The following PKD1L3 variants were observed in gnomAD, a reference collection of about 807,000 sequenced individuals.
The protein encoded by PKD1L3 is polycystin-1-like protein 3.
A neutral mutation model predicts 184.1 loss-of-function variants in PKD1L3; 239 were observed. The observed-to-expected ratio is 1.30, with a 90% CI of 1.17 to 1.45. The LOEUF is 1.45. Ranked by LOEUF, PKD1L3 falls within the 40% of genes most tolerant of loss-of-function variation. The pLI is 0.00. For missense variants in PKD1L3, 2,660 were observed against 2,067.2 expected, an observed-to-expected ratio of 1.29 and a Z score of -5.56; for synonymous variants, 996 against 778.8, an observed-to-expected ratio of 1.28 and a Z score of -4.64.
At chr16:71,986,517 A>G in intron 4 of PKD1L3, 48 bp from the exon 5 acceptor site, 1 of 1,508,654 alleles carries the variant, frequency 6.6e-7, no homozygotes, top group Non-Finnish European at 8.9e-7. Context: ...TGATTTTACC[A>G]TTTTATAATT....
intron 16 of PKD1L3, among the ~76,000 whole-genome samples, chr16:71,959,982 A>G (rs1349434168): frequency 1.3e-5 from 2 of 152,106 alleles, no homozygotes; most frequent in African/African-American, 2.4e-5. Flanking sequence ...TTAGCCAGGC[A>G]TGGTGGCACA....
rs1447182067 is a variant in PKD1L3 at position 71,950,196 on chromosome 16, A to G, written c.3305T>C (p.Leu1102Pro). 4 of 1,552,300 alleles carry G rather than the reference A, an allele frequency of 2.6e-6. No individual in the cohort carries two copies. Among genetic ancestry groups the G allele is most frequent in the Non-Finnish European group, 3.5e-6 (4 of 1,147,122 alleles). ...LTQGHQSCDF[L>P]DAASQLQKLQ... is the part of the protein sequence containing the mutation. ...TTTTTGAAGTTGGCTGGCTGCATCTAGGAAGTCACAGGACTGGTGACCCTG... is the reference window on the plus strand; with the variant it reads ...TTTTTGAAGTTGGCTGGCTGCATCTGGGAAGTCACAGGACTGGTGACCCTG... Residue 1102 changes from leucine (L) to proline (P), a missense_variant, in exon 20 of 30, where the codon CTA becomes CCA. Physicochemically the swap from Leu to Pro is moderately conservative, Grantham distance 98. Transcript: ENST00000620267.
At chr16:71,960,283 C>G (rs1397078030) in intron 16 of PKD1L3, among the ~76,000 whole-genome samples, 1 of 151,582 alleles carries the variant, frequency 6.6e-6, no homozygotes, top group Non-Finnish European at 1.5e-5. Context: ...TAAATTAAGT[C>G]CAAATGGATT....
rs1162181788 is a variant in PKD1L3 at position 71,999,880 on chromosome 16, A to G, written c.99T>C (p.Asn33=). The change falls in exon 1 of 30, where the codon AAT becomes AAC. Residue 33 remains asparagine, a synonymous_variant. Coordinates refer to ENST00000620267, the MANE Select transcript of PKD1L3 (RefSeq NM_181536.2). ...LNSPAPHGQN[N]CYQLNRFQCS... ...ATTGAAATCTGTTAAGCTGGTAACA[A>G]TTATTTTGCCCATGTGGTGCTGGGC... 5.2e-6 allele frequency: 8 copies of G among 1,551,774 alleles called. No homozygotes were observed. Among genetic ancestry groups the G allele is most frequent in the Non-Finnish European group, 7.0e-6 (8 of 1,147,002 alleles).
intron 4 of PKD1L3, among the ~76,000 whole-genome samples, chr16:71,989,518 T>C (rs1371427685): frequency 6.6e-6 from 1 of 152,238 alleles, no homozygotes; most frequent in African/African-American, 2.4e-5. Context: ...CAAATGCATA[T>C]CTGTGTTTAG....
intron 2 of PKD1L3, among the ~76,000 whole-genome samples, chr16:71,996,322 C>T (rs1196341115): frequency 6.8e-5 from 9 of 132,600 alleles, no homozygotes; most frequent in South Asian, 2.6e-4. Flanking sequence ...AGTGCAGTGG[C>T]GCAATCTTGG....
At chr16:71,984,702 T>C (rs1871061540) in intron 5 of PKD1L3, among the ~76,000 whole-genome samples, 1 of 152,096 alleles carries the variant, frequency 6.6e-6, no homozygotes, top group Non-Finnish European at 1.5e-5. Context: ...CTACTAAAAA[T>C]ACAAAAATTA....
At chr16:71,947,242 A>T (rs1359185219) in intron 22 of PKD1L3, among the ~76,000 whole-genome samples, 2 of 152,120 alleles carry the variant, frequency 1.3e-5, no homozygotes, top group Non-Finnish European at 2.9e-5. Context: ...TGACAACAAG[A>T]GTGAAACTCC....
intron 12 of PKD1L3, 25 bp from the exon 13 acceptor site, chr16:71,970,130 T>C (rs1484227083): frequency 2.0e-6 from 3 of 1,533,888 alleles, no homozygotes; most frequent in Admixed American, 2.0e-5. Context: ...AAGACGTTGA[T>C]TCTAGTCAGA....
At chr16:71,971,625 C>T (rs80028445) in intron 12 of PKD1L3, among the ~76,000 whole-genome samples, 3 of 152,150 alleles carry the variant, frequency 2.0e-5, no homozygotes, top group African/African-American at 2.4e-5. Context: ...CTTCTCTACT[C>T]AAAGTATGGT....
rs368776653 is a variant in PKD1L3 at position 71,978,335 on chromosome 16, T to A, written c.1447A>T (p.Ile483Phe). The A allele has an allele frequency of 6.5e-7, 1 of 1,550,312 alleles. No homozygotes were observed. Among genetic ancestry groups the A allele is most frequent in the African/African-American group, 1.4e-5 (1 of 73,004 alleles). Residue 483 changes from isoleucine (I) to phenylalanine (F), a missense_variant, in exon 10 of 30, where the codon ATT becomes TTT. Coordinates refer to ENST00000620267, the MANE Select transcript of PKD1L3 (RefSeq NM_181536.2). The stretch of plus-strand genomic sequence containing the variant: ...AACACACTTCCAATGCTTCCAACAA[T>A]GTTTCTGTTGTCCAAATCCTTGAAG... ...NPFKDLDNRN[I>F]VGSIGSVLLS...
rs777422869 is a variant in PKD1L3 at position 71,973,397 on chromosome 16, G to T, written c.1880C>A (p.Ser627Ter). 6.4e-7 allele frequency: 1 copy of T among 1,551,580 alleles called. No homozygotes were observed. Among genetic ancestry groups the T allele is most frequent in the East Asian group, 2.4e-5 (1 of 40,906 alleles). The part of the protein sequence containing the change: ...EGAQQTPSLV[S>*]VITAVTQCYY... ...ACACTGAGTGACGGCGGTGATGACC[G>T]AGACCAAGCTGGGTGTCTGCTGAGC... Residue 627 changes from serine to a stop codon, truncating the protein, a stop_gained, in exon 12 of 30, where the codon TCG (serine) becomes TAG (stop). Coordinates refer to ENST00000620267, the MANE Select transcript of PKD1L3 (RefSeq NM_181536.2). LOFTEE classifies it high-confidence loss of function.
intron 11 of PKD1L3, among the ~76,000 whole-genome samples, chr16:71,975,899 T>A (rs1007089303): frequency 3.3e-5 from 5 of 152,092 alleles, no homozygotes; most frequent in Non-Finnish European, 5.9e-5. Context: ...ATACTCTAGT[T>A]ATGCAAGATA....
Position 71,973,418 on chromosome 16 carries a change from T to C in PKD1L3, c.1859A>G (p.Gln620Arg), listed in dbSNP as rs1006587568. The change falls in exon 12 of 30, where the codon CAG (glutamine) becomes CGG (arginine). Residue 620 changes from glutamine to arginine, a missense_variant. By Grantham distance (43) the Gln-to-Arg change is conservative. Transcript: ENST00000620267. ...GACCGAGACCAAGCTGGGTGTCTGC[T>C]GAGCACCCTCCTGCCTCTCACTCAG... ...AVLSERQEGA[Q>R]QTPSLVSVIT... is the part of the protein sequence containing the mutation. 6.4e-7 allele frequency: 1 copy of C among 1,551,696 alleles called. No homozygotes were observed. Among genetic ancestry groups the C allele is most frequent in the Non-Finnish European group, 8.7e-7 (1 of 1,147,006 alleles).
At chr16:71,931,936 A>G (rs904888406) in intron 28 of PKD1L3, among the ~76,000 whole-genome samples, 2 of 152,184 alleles carry the variant, frequency 1.3e-5, no homozygotes, top group Non-Finnish European at 2.9e-5. Flanking sequence ...CTCAGAGGGC[A>G]GTGGGATGAT....
rs1214426342 is a variant in PKD1L3 at position 71,977,494 on chromosome 16, T to C, written c.1528-27A>G. ...TAGAATAAGAGACAGTTAATCATTA[T>C]AATGGTCCATCCATTGATGTCTTTC... On this transcript the variant is annotated intron_variant, in intron 10 of 29. Transcript: ENST00000620267. The C allele has an allele frequency of 7.1e-5, 105 of 1,482,032 alleles. No homozygotes were observed. The East Asian group carries it at 2.4e-3, about 34-fold the overall frequency. 91.8% of individuals were successfully genotyped at this position (1,482,032 alleles called of 1,614,324 possible).
In PKD1L3 at chr16:71,968,010, G is replaced by C. The variant is rs377069156; in HGVS notation, c.2185-3C>G. 2.5e-5 allele frequency: 39 copies of C among 1,549,084 alleles called. No individual in the cohort carries two copies. Among genetic ancestry groups the C allele is most frequent in the African/African-American group, 2.1e-4 (15 of 72,982 alleles). ...TCAGCCAGGACAGTGACCTTCACCT[G>C]CAAGAAAAGCAGAACCATGCAACTT... On this transcript the variant is annotated splice_polypyrimidine_tract_variant and splice_region_variant and intron_variant, in intron 13 of 29. Transcript: ENST00000620267.
At chr16:71,972,567 C>G (rs1403424010) in intron 12 of PKD1L3, among the ~76,000 whole-genome samples, 2 of 151,986 alleles carry the variant, frequency 1.3e-5, no homozygotes, top group Admixed American at 1.3e-4. Flanking sequence ...GCCTGTGGTC[C>G]TCATTACTTG....
chr16:71,984,226 T>G, intron 5 of PKD1L3, 59 bp from the exon 6 acceptor site: 4 of 1,493,158 alleles, frequency 2.7e-6, no homozygotes, highest in Non-Finnish European at 3.6e-6. Flanking sequence ...ACTGTAGTAG[T>G]CAGGGAGATT....
Sources: gnomAD v4.1 joint callset for allele counts (sites outside exome capture counted in the v4.1 genomes callset) on GRCh38, gnomAD v4.1.1 for gene constraint, MANE v1.5 for transcripts, NCBI Gene and HGNC (gene_info 2026-07-23, HGNC 2026-07-21) for gene names.